BMP7: variants seen among roughly 807,000 people sequenced by gnomAD.
BMP7 encodes the protein bone morphogenetic protein 7.
A neutral mutation model predicts 41.2 loss-of-function variants in BMP7; 12 were observed. That is an observed-to-expected ratio of 0.29 (90% CI 0.19 to 0.47). The LOEUF (loss-of-function observed/expected upper bound fraction) is 0.47. Among genes scored for constraint, BMP7 ranks in the 20% least tolerant of loss-of-function variants. BMP7 has a pLI of 0.99. For synonymous variants in BMP7, 248 were observed against 250.0 expected (o/e 0.99, Z 0.07); for missense variants, 467 against 606.0 (o/e 0.77, Z 2.41).
Position 57,209,247 on chromosome 20 carries a change from TTTTATATATA to T in BMP7, c.612-6634_612-6625del, listed in dbSNP as rs1400852443. Among the ~76,000 whole-genome samples, 99 of 69,862 alleles carry T rather than the reference TTTTATATATA, an allele frequency of 1.4e-3. 2 individuals carry two copies. The highest frequency in any genetic ancestry group is 4.8e-3 in the African/African-American group (92 of 19,322). 45.8% of individuals were successfully genotyped at this position (69,862 alleles called of 152,430 possible). ...TAAACAAATACCTAGATTTATATAT[TTTTATATATA>T]TATATATATATATATATATATATAT... On this transcript the variant is annotated intron_variant, in intron 2 of 6. Coordinates refer to ENST00000395863, the MANE Select transcript of BMP7 (RefSeq NM_001719.3).
intron 4 of BMP7, chr20:57,177,732 CAT>C (rs374663299): frequency 4.6e-5 from 7 of 152,234 alleles, no homozygotes; most frequent in South Asian, 2.1e-4. Flanking sequence ...AACCGAATCA[CAT>C]GTGTGATTCC....
intron 1 of BMP7, among the ~76,000 whole-genome samples, chr20:57,242,668 G>A (rs1019505058): frequency 7.9e-5 from 12 of 152,182 alleles, no homozygotes; most frequent in African/African-American, 2.7e-4. Context: ...TTCCGTGACT[G>A]AGATCTGAAT....
At chr20:57,221,744 G>C (rs1208642897) in intron 2 of BMP7, among the ~76,000 whole-genome samples, 1 of 150,556 alleles carries the variant, frequency 6.6e-6, no homozygotes, top group African/African-American at 2.4e-5. Context: ...CCAGGAGGTC[G>C]AGGCTGCAGT....
chr20:57,209,249 TTATATATATATATATATATATATA>T (rs57062226), intron 2 of BMP7, among the ~76,000 whole-genome samples: 64 of 94,876 alleles, frequency 6.7e-4, no homozygotes, highest in Non-Finnish European at 1.1e-3. Context: ...TTATATATTT[TTATATATATATATATATATATATA>T]TATATATATA....
chr20:57,180,418 C>A (rs933982211), intron 4 of BMP7, among the ~76,000 whole-genome samples: 1 of 152,106 alleles, frequency 6.6e-6, no homozygotes, highest in East Asian at 1.9e-4. Context: ...ACCAGCCTGG[C>A]CTCGTGGGCA....
intron 4 of BMP7, among the ~76,000 whole-genome samples, chr20:57,182,204 C>T (rs1170574284): frequency 1.3e-5 from 2 of 152,222 alleles, no homozygotes; most frequent in Non-Finnish European, 2.9e-5. Flanking sequence ...TTCTGGCGGA[C>T]TTGACACTGC....
chr20:57,265,232 C>T (rs2066171313), intron 1 of BMP7, among the ~76,000 whole-genome samples: 1 of 152,172 alleles, frequency 6.6e-6, no homozygotes, highest in Admixed American at 6.5e-5. Flanking sequence ...CACGAGGGGA[C>T]AGGTAGGGCT....
intron 2 of BMP7, among the ~76,000 whole-genome samples, chr20:57,212,085 A>T (rs1018509419): frequency 2.0e-5 from 3 of 152,232 alleles, no homozygotes; most frequent in African/African-American, 7.2e-5. Context: ...GGGCGTGCGT[A>T]GCACACAAGA....
At chr20:57,239,035 T>A (rs1361865444) in intron 1 of BMP7, among the ~76,000 whole-genome samples, 1 of 152,150 alleles carries the variant, frequency 6.6e-6, no homozygotes, top group Non-Finnish European at 1.5e-5. Flanking sequence ...TATCCTCACA[T>A]TTCAAAGCCA....
chr20:57,232,993 A>G (rs2066034825), intron 1 of BMP7, among the ~76,000 whole-genome samples: 1 of 152,168 alleles, frequency 6.6e-6, no homozygotes, highest in Non-Finnish European at 1.5e-5. Context: ...ACAGTGTGAA[A>G]TCTACACCAT....
At chr20:57,216,138 G>C (rs996511041) in intron 2 of BMP7, among the ~76,000 whole-genome samples, 14 of 152,150 alleles carry the variant, frequency 9.2e-5, no homozygotes, top group Admixed American at 8.5e-4. Context: ...TGAAGCCGGG[G>C]GGGTCCAGGA....
intron 1 of BMP7, among the ~76,000 whole-genome samples, chr20:57,260,321 T>C (rs953936642): frequency 6.6e-6 from 1 of 152,102 alleles, no homozygotes; most frequent in Non-Finnish European, 1.5e-5. Flanking sequence ...GCATCCCCAG[T>C]CACTGCCTCT....
intron 2 of BMP7, among the ~76,000 whole-genome samples, chr20:57,220,273 CTG>C (rs1985158287): frequency 6.6e-6 from 1 of 152,238 alleles, no homozygotes; most frequent in African/African-American, 2.4e-5. Flanking sequence ...GCTTCATTAA[CTG>C]TGGTTGTCTC....
At chr20:57,181,720 G>A (rs58564573) in intron 4 of BMP7, among the ~76,000 whole-genome samples, 3,236 of 152,224 alleles carry the variant, frequency 0.021, 98 homozygotes, top group African/African-American at 0.072. Context: ...GCTTCTCCAG[G>A]CCACCCACAT....
chr20:57,198,136 T>C (rs1415667813), intron 3 of BMP7, among the ~76,000 whole-genome samples: 2 of 124,268 alleles, frequency 1.6e-5, no homozygotes, highest in African/African-American at 6.4e-5. Flanking sequence ...CCTCCTCTCC[T>C]CTCGCTCTCC....
chr20:57,210,722 G>C (rs1028045021), intron 2 of BMP7, among the ~76,000 whole-genome samples: 2 of 152,202 alleles, frequency 1.3e-5, no homozygotes, highest in African/African-American at 4.8e-5. Context: ...ACACTGTCTC[G>C]TTACCTGGGA....
At chr20:57,223,673 T>A (rs1985243531) in intron 2 of BMP7, among the ~76,000 whole-genome samples, 1 of 152,196 alleles carries the variant, frequency 6.6e-6, no homozygotes, top group Non-Finnish European at 1.5e-5. Flanking sequence ...CATAGGAACC[T>A]TTCCAAGGCA....
chr20:57,185,339 A>T (rs1471473088), intron 3 of BMP7, among the ~76,000 whole-genome samples: 3 of 152,244 alleles, frequency 2.0e-5, no homozygotes, highest in Non-Finnish European at 4.4e-5. Flanking sequence ...CCCAAAGGTG[A>T]TGTCTCGAAT....
chr20:57,212,834 G>A (rs1287641752), intron 2 of BMP7, among the ~76,000 whole-genome samples: 1 of 152,196 alleles, frequency 6.6e-6, no homozygotes, highest in Admixed American at 6.5e-5. Flanking sequence ...GGGTCCAAGG[G>A]GTGCCCCTTC....
Sources: allele counts gnomAD v4.1 joint callset (sites outside exome capture counted in the v4.1 genomes callset), GRCh38; gene constraint gnomAD v4.1.1; transcripts MANE v1.5; gene names NCBI Gene and HGNC (gene_info 2026-07-23, HGNC 2026-07-21).